Variants in GLIS3 observed in about 807,000 individuals in gnomAD.
GLIS3 encodes the protein zinc finger protein GLIS3.
In GLIS3, 53 loss-of-function variants were observed where a neutral mutation model predicts 78.6. The observed-to-expected ratio is 0.67, with a 90% CI of 0.54 to 0.85. GLIS3 has a LOEUF of 0.85. Among genes scored for constraint, GLIS3 ranks in the 40% least tolerant of loss-of-function variants. The pLI, the probability that GLIS3 is intolerant of heterozygous loss-of-function variation, is 0.00. For missense variants in GLIS3, 1,703 were observed against 1,231.1 expected, an observed-to-expected ratio of 1.38 and a Z score of -5.74; for synonymous variants, 684 against 509.9, an observed-to-expected ratio of 1.34 and a Z score of -4.60.
intron 4 of GLIS3, among the ~76,000 whole-genome samples, chr9:3,953,795 C>CTCTCTCTCTATA (rs1403671770): frequency 3.7e-4 from 27 of 73,302 alleles, no homozygotes; most frequent in Admixed American, 2.7e-3. Context: ...CTCTCTCTCT[C>CTCTCTCTCTATA]TATATATATA....
At chr9:3,866,261 G>A (rs1016191898) in intron 8 of GLIS3, among the ~76,000 whole-genome samples, 1 of 152,160 alleles carries the variant, frequency 6.6e-6, no homozygotes, top group Non-Finnish European at 1.5e-5. Context: ...TGTAATAGAA[G>A]CAATTAGTAA....
intron 4 of GLIS3, among the ~76,000 whole-genome samples, chr9:4,080,875 C>A (rs1362597732): frequency 6.6e-6 from 1 of 152,142 alleles, no homozygotes; most frequent in Non-Finnish European, 1.5e-5. Flanking sequence ...GACCCCCGGG[C>A]GTACATCGTA....
Position 3,842,322 on chromosome 9 carries a change from A to G in GLIS3, c.2474-12830T>C, listed in dbSNP as rs551199364. Among the ~76,000 whole-genome samples the G allele has an allele frequency of 4.1e-4, 63 of 152,264 alleles. 1 individual carries two copies. The highest frequency in any genetic ancestry group is 1.5e-3 in the African/African-American group (62 of 41,548). ...CCCTGTCTCTACTAAAACTACAAAA[A>G]TTAGTCTGGTATGGTGGTGGGTGCC... On this transcript the variant is annotated intron_variant, in intron 9 of 10. Coordinates refer to ENST00000381971, the MANE Select transcript of GLIS3 (RefSeq NM_001042413.2).
At chr9:4,309,058 G>A (rs534119166) in intron 3 of GLIS3, 22 of 152,168 alleles carry the variant, frequency 1.4e-4, no homozygotes, top group Admixed American at 4.6e-4. Flanking sequence ...TTAGAACAGT[G>A]GCTACCACAC....
chr9:4,090,922 T>C (rs1829444327), intron 4 of GLIS3, among the ~76,000 whole-genome samples: 1 of 152,226 alleles, frequency 6.6e-6, no homozygotes, highest in African/African-American at 2.4e-5. Flanking sequence ...AGAATCTGAC[T>C]GCAAACCCTG....
the GLIS3 span, among the ~76,000 whole-genome samples, chr9:4,419,010 T>C: frequency 6.6e-6 from 1 of 152,190 alleles, no homozygotes; most frequent in Non-Finnish European, 1.5e-5. Context: ...TTTGGAAATA[T>C]GACACAGGCC....
At chr9:4,033,168 T>C (rs1008506205) in intron 4 of GLIS3, among the ~76,000 whole-genome samples, 5 of 152,178 alleles carry the variant, frequency 3.3e-5, no homozygotes, top group African/African-American at 1.2e-4. Context: ...TGAGAATTCT[T>C]GAACTTCTCA....
In GLIS3 at chr9:3,972,102, T is replaced by A. The variant is rs73388203; in HGVS notation, c.1711-34913A>T. On this transcript the variant is annotated intron_variant, in intron 4 of 10. Transcript: ENST00000381971. Reference sequence around the variant, plus strand: ...ACTAGTTTTCATGTCTAGATCAGAATGCCATATAAAGGTATACTTTCCTAT... The same window carrying A: ...ACTAGTTTTCATGTCTAGATCAGAAAGCCATATAAAGGTATACTTTCCTAT... Among the ~76,000 whole-genome samples the A allele has an allele frequency of 1.0e-3, 155 of 152,314 alleles. 1 individual carries two copies. The highest frequency in any genetic ancestry group is 3.4e-3 in the Middle Eastern group (1 of 294).
chr9:4,262,827 G>T (rs1051913124), intron 2 of GLIS3, among the ~76,000 whole-genome samples: 1 of 150,146 alleles, frequency 6.7e-6, no homozygotes, highest in South Asian at 2.1e-4. Context: ...TCACAGATAT[G>T]ACTTCACCGA....
At chr9:4,343,000 G>A (rs1392025413) in intron 2 of GLIS3, among the ~76,000 whole-genome samples, 1 of 152,084 alleles carries the variant, frequency 6.6e-6, no homozygotes, top group Non-Finnish European at 1.5e-5. Context: ...TTGGGCATAT[G>A]AAAAAATGTT....
intron 2 of GLIS3, among the ~76,000 whole-genome samples, chr9:4,260,198 C>A (rs1267300732): frequency 6.6e-6 from 1 of 152,148 alleles, no homozygotes; most frequent in Non-Finnish European, 1.5e-5. Context: ...TTTGGGAGGC[C>A]GAGGCAGGCG....
At chr9:4,143,272 G>A (rs1833946455) in intron 2 of GLIS3, among the ~76,000 whole-genome samples, 1 of 151,888 alleles carries the variant, frequency 6.6e-6, no homozygotes, top group Admixed American at 6.6e-5. Flanking sequence ...GAGAAGTTAA[G>A]ATCTACTCTC....
chr9:4,022,309 A>G (rs1822957009), intron 4 of GLIS3, among the ~76,000 whole-genome samples: 1 of 152,230 alleles, frequency 6.6e-6, no homozygotes, highest in African/African-American at 2.4e-5. Context: ...CTTGATGATT[A>G]TAATTCACTC....
At chr9:4,142,080 AAGAACAG>A (rs1833857228) in intron 2 of GLIS3, among the ~76,000 whole-genome samples, 1 of 152,246 alleles carries the variant, frequency 6.6e-6, no homozygotes, top group Non-Finnish European at 1.5e-5. Context: ...AAAAATGAGG[AAGAACAG>A]AGTAGGTGCT....
At chr9:4,390,182 G>C in the GLIS3 span, among the ~76,000 whole-genome samples, 1 of 152,192 alleles carries the variant, frequency 6.6e-6, no homozygotes, top group Non-Finnish European at 1.5e-5. Context: ...AAATTGTGGA[G>C]AATAAAGTTG....
intron 7 of GLIS3, among the ~76,000 whole-genome samples, chr9:3,891,963 G>C (rs934968566): frequency 7.9e-5 from 12 of 152,126 alleles, no homozygotes; most frequent in African/African-American, 2.7e-4. Context: ...TAATCGTGAA[G>C]AGTTCCCCTT....
the GLIS3 span, among the ~76,000 whole-genome samples, chr9:4,478,177 C>T: frequency 1.1e-4 from 17 of 152,080 alleles, no homozygotes; most frequent in African/African-American, 3.4e-4. Context: ...TTAAAAAACA[C>T]GGATGCCAGA....
the GLIS3 span, among the ~76,000 whole-genome samples, chr9:4,418,769 A>T: frequency 1.3e-5 from 2 of 152,186 alleles, no homozygotes; most frequent in Admixed American, 1.3e-4. Flanking sequence ...AAAAATCTTC[A>T]TGAAAAACAG....
At chr9:3,932,708 T>C (rs1453168019) in intron 5 of GLIS3, 5 of 471,370 alleles carry the variant, frequency 1.1e-5, no homozygotes, top group African/African-American at 4.0e-5. Flanking sequence ...TTCTAAGAGA[T>C]TGCTTTAGTG....
Sources: allele counts gnomAD v4.1 joint callset (sites outside exome capture counted in the v4.1 genomes callset), GRCh38; gene constraint gnomAD v4.1.1; transcripts MANE v1.5; gene names NCBI Gene and HGNC (gene_info 2026-07-23, HGNC 2026-07-21).